The following SLC7A14 variants were observed in gnomAD, a reference collection of about 807,000 sequenced individuals.
The protein encoded by SLC7A14 is gamma-aminobutyric acid transporter SLC7A14.
A neutral mutation model predicts 60.2 loss-of-function variants in SLC7A14; 37 were observed. The ratio of observed to expected loss-of-function variants is 0.61; its 90% CI spans 0.47 to 0.81. The LOEUF is 0.81. Among genes scored for constraint, SLC7A14 ranks in the 30% least tolerant of loss-of-function variants. The pLI, the probability that SLC7A14 is intolerant of heterozygous loss-of-function variation, is 0.00. For synonymous variants in SLC7A14, 399 were observed against 395.8 expected, an observed-to-expected ratio of 1.01 and a Z score of -0.10; for missense variants, 886 against 982.7, an observed-to-expected ratio of 0.90 and a Z score of 1.32.
intron 2 of SLC7A14, among the ~76,000 whole-genome samples, chr3:170,501,932 G>A (rs889709838): frequency 6.6e-6 from 1 of 152,218 alleles, no homozygotes; most frequent in Admixed American, 6.5e-5. Context: ...GCATGGCAGG[G>A]TGTGAAGCAC....
rs201126662 is a variant in SLC7A14, at chr3:170,498,892, G to C, written c.542-8C>G. 1.4e-5 allele frequency: 22 copies of C among 1,613,624 alleles called. No individual in the cohort carries two copies. The East Asian group carries it at 4.2e-4, about 31-fold the overall frequency. On this transcript the variant is annotated splice_region_variant and splice_polypyrimidine_tract_variant and intron_variant, in intron 3 of 7. Transcript: ENST00000231706. ...ATGATTCTTCACCTTTCCCTAGAGA[G>C]GAAAGACATGATTTGACATTGTCTG...
intron 1 of SLC7A14, among the ~76,000 whole-genome samples, chr3:170,527,717 G>C (rs563371661): frequency 1.3e-5 from 2 of 152,270 alleles, no homozygotes; most frequent in East Asian, 3.9e-4. Context: ...GAATGGTGGG[G>C]AGTACTCCTG....
chr3:170,566,907 T>G (rs1280020381), intron 1 of SLC7A14, among the ~76,000 whole-genome samples: 1 of 152,002 alleles, frequency 6.6e-6, no homozygotes, highest in Non-Finnish European at 1.5e-5. Context: ...GAAGTTGAAA[T>G]AGACCACCCT....
intron 3 of SLC7A14, among the ~76,000 whole-genome samples, chr3:170,500,349 G>A (rs1212077406): frequency 6.8e-6 from 1 of 147,984 alleles, no homozygotes; most frequent in Admixed American, 6.9e-5. Context: ...TGAGGCAGGA[G>A]AATTGCTTGA....
chr3:170,489,955 G>C (rs1712161837), intron 4 of SLC7A14, among the ~76,000 whole-genome samples: 1 of 151,984 alleles, frequency 6.6e-6, no homozygotes, highest in Non-Finnish European at 1.5e-5. Flanking sequence ...AGGATAGTTG[G>C]GGGCTGGACG....
intron 7 of SLC7A14, among the ~76,000 whole-genome samples, chr3:170,475,063 A>G (rs1711569547): frequency 1.3e-5 from 2 of 152,202 alleles, no homozygotes; most frequent in Non-Finnish European, 2.9e-5. Context: ...TGCATCAACT[A>G]AAAGGAAAAT....
intron 1 of SLC7A14, among the ~76,000 whole-genome samples, chr3:170,552,417 T>A (rs146228506): frequency 6.6e-6 from 1 of 152,348 alleles, no homozygotes; most frequent in African/African-American, 2.4e-5. Context: ...TCAATCTTTA[T>A]AGCACATATA....
At position 170,467,148 on chromosome 3, in the gene SLC7A14, G is replaced by A. The variant is rs1295582844; in HGVS notation, c.2223C>T (p.Gly741=). The part of the protein sequence containing the change: ...YQQMSDAKAN[G]RTSSKAKSKS... ...TGCTCTTCGCTTTGCTACTTGTCCG[G>A]CCGTTTGCCTTCGCATCTGACATCT... The change falls in exon 8 of 8, where the codon GGC becomes GGT. Residue 741 remains glycine, a synonymous_variant. Coordinates refer to ENST00000231706, the MANE Select transcript of SLC7A14 (RefSeq NM_020949.3). 1 of 1,614,216 alleles carries A rather than the reference G, an allele frequency of 6.2e-7. No individual in the cohort carries two copies. The highest frequency in any genetic ancestry group is 2.2e-5 in the East Asian group (1 of 44,880).
chr3:170,498,853 CAGA>C lies in SLC7A14; in HGVS notation c.570_572del (p.Leu191del). ...TCACGATGACCGCGATCAACAGAGCCAGAAGGTCTGGGTATGATTCTTCACCTT... is the reference window on the plus strand; with the variant it reads ...TCACGATGACCGCGATCAACAGAGCCAGGTCTGGGTATGATTCTTCACCTT... On this transcript the variant is annotated inframe_deletion, in exon 4 of 8. Transcript: ENST00000231706. 1 of 1,614,074 alleles carries C rather than the reference CAGA, an allele frequency of 6.2e-7. No homozygotes were observed. Among genetic ancestry groups the C allele is most frequent in the Non-Finnish European group, 8.5e-7 (1 of 1,180,008 alleles).
chr3:170,496,529 C>T (rs1489735797), intron 4 of SLC7A14: 107 of 1,572,602 alleles, frequency 6.8e-5, no homozygotes, highest in South Asian at 4.2e-4. Flanking sequence ...CCAAGCAGGA[C>T]ATGGCGCAGC....
chr3:170,536,770 C>A (rs1164259180), intron 1 of SLC7A14, among the ~76,000 whole-genome samples: 5 of 152,300 alleles, frequency 3.3e-5, no homozygotes, highest in Non-Finnish European at 5.9e-5. Context: ...GCAAAGTGTA[C>A]TCATGAGAGA....
intron 7 of SLC7A14, among the ~76,000 whole-genome samples, chr3:170,472,782 A>AG (rs1437195774): frequency 2.6e-5 from 4 of 151,672 alleles, no homozygotes; most frequent in Non-Finnish European, 5.9e-5. Flanking sequence ...AAAAAAAAAA[A>AG]GAAAGTCTGT....
At chr3:170,581,763 G>C (rs950181181) in intron 1 of SLC7A14, among the ~76,000 whole-genome samples, 1 of 152,070 alleles carries the variant, frequency 6.6e-6, no homozygotes, top group African/African-American at 2.4e-5. Context: ...TTTTACAATA[G>C]TCCTTTGAGA....
intron 1 of SLC7A14, among the ~76,000 whole-genome samples, chr3:170,563,641 G>A (rs746194976): frequency 6.6e-6 from 1 of 151,726 alleles, no homozygotes; most frequent in Non-Finnish European, 1.5e-5. Flanking sequence ...GGCTAGTCTC[G>A]AACTCCTGAC....
chr3:170,530,911 G>A (rs957237568), intron 1 of SLC7A14, among the ~76,000 whole-genome samples: 3 of 152,196 alleles, frequency 2.0e-5, no homozygotes, highest in Non-Finnish European at 4.4e-5. Flanking sequence ...TGTGGCTGTG[G>A]TAAATGCAGG....
At chr3:170,537,908 G>A (rs1391430304) in intron 1 of SLC7A14, among the ~76,000 whole-genome samples, 1 of 152,150 alleles carries the variant, frequency 6.6e-6, no homozygotes, top group Non-Finnish European at 1.5e-5. Context: ...AGGAGAATTA[G>A]GCATTTGCCT....
At chr3:170,572,862 C>A (rs1461987241) in intron 1 of SLC7A14, among the ~76,000 whole-genome samples, 2 of 152,168 alleles carry the variant, frequency 1.3e-5, no homozygotes, top group Admixed American at 1.3e-4. Context: ...AAATGAATCC[C>A]AAACTGTCTG....
rs1302745365 is a variant in SLC7A14 at position 170,532,794 on chromosome 3, G to T, written c.-152-5706C>A. ...AAGTCCTTAATCAGGGCTTTTTTCTGTTGAACCTCCCCTGGGTTTCTCCTG... is the reference window on the plus strand; with the variant it reads ...AAGTCCTTAATCAGGGCTTTTTTCTTTTGAACCTCCCCTGGGTTTCTCCTG... On this transcript the variant is annotated intron_variant, in intron 1 of 7. Transcript: ENST00000231706. The surrounding 1 kb of genome is among the most constrained non-coding windows in gnomAD (Gnocchi z 4.0). Among the ~76,000 whole-genome samples the T allele has an allele frequency of 6.6e-6, 1 of 151,770 alleles. No homozygotes were observed. Among genetic ancestry groups the T allele is most frequent in the Non-Finnish European group, 1.5e-5 (1 of 67,960 alleles).
intron 3 of SLC7A14, 82 bp from the exon 4 acceptor site, chr3:170,498,966 G>A (rs144178077): frequency 2.1e-5 from 28 of 1,351,040 alleles, no homozygotes; most frequent in African/African-American, 8.6e-5. Flanking sequence ...CACTGCATCC[G>A]TACTCAGCTT....
Sources: allele counts gnomAD v4.1 joint callset (sites outside exome capture counted in the v4.1 genomes callset), GRCh38; gene constraint gnomAD v4.1.1; non-coding constraint Gnocchi (gnomAD v3.1); transcripts MANE v1.5; gene names NCBI Gene and HGNC (gene_info 2026-07-23, HGNC 2026-07-21).